The following DIAPH3 variants were observed in gnomAD, a reference collection of about 807,000 sequenced individuals.
DIAPH3 encodes diaphanous related formin 3, also known as protein diaphanous homolog 3.
Under a neutral mutation model 144.3 loss-of-function variants are expected in DIAPH3, and 117 were observed. That is an observed-to-expected ratio of 0.81 (90% confidence interval 0.70 to 0.95). The LOEUF (loss-of-function observed/expected upper bound fraction) is 0.95. DIAPH3 is among the 40% of genes least tolerant of loss of function. DIAPH3 has a pLI of 0.00. For synonymous variants in DIAPH3, 519 were observed against 488.9 expected, an observed-to-expected ratio of 1.06 and a Z score of -0.81; for missense variants, 1,421 against 1,412.7, an observed-to-expected ratio of 1.01 and a Z score of -0.09.
chr13:60,021,325 G>C (rs1483784965), intron 5 of DIAPH3, among the ~76,000 whole-genome samples: 1 of 152,110 alleles, frequency 6.6e-6, no homozygotes, highest in Non-Finnish European at 1.5e-5. Context: ...GAAAGAAAGA[G>C]AGTCAAAGCA....
rs139846722 is a variant in DIAPH3 at position 59,840,130 on chromosome 13, C to G, written c.2738-682G>C. Reference sequence around the variant, plus strand: ...GACATTAAGGATCATTTCTGAAAATCTTTTCATAGTCAATTTTATATGACA... The same window carrying G: ...GACATTAAGGATCATTTCTGAAAATGTTTTCATAGTCAATTTTATATGACA... On this transcript the variant is annotated intron_variant, in intron 22 of 27. Coordinates refer to ENST00000400324, the MANE Select transcript of DIAPH3 (RefSeq NM_001042517.2). Among the ~76,000 whole-genome samples the G allele has an allele frequency of 4.9e-3, 752 of 152,128 alleles. 3 individuals are homozygous for G. Among genetic ancestry groups the G allele is most frequent in the South Asian group, 0.032 (152 of 4,820 alleles).
At chr13:59,978,370 GA>G (rs907902479) in intron 14 of DIAPH3, among the ~76,000 whole-genome samples, 1 of 150,952 alleles carries the variant, frequency 6.6e-6, no homozygotes, top group Non-Finnish European at 1.5e-5. Flanking sequence ...TACACAGCAA[GA>G]AAAAAAATTA....
chr13:60,153,045 A>G (rs1258995505), intron 1 of DIAPH3, among the ~76,000 whole-genome samples: 1 of 152,116 alleles, frequency 6.6e-6, no homozygotes, highest in East Asian at 1.9e-4. Context: ...GACATTGTGA[A>G]TGACCCACTC....
intron 17 of DIAPH3, among the ~76,000 whole-genome samples, chr13:59,963,758 A>G (rs1237576959): frequency 6.6e-6 from 1 of 152,160 alleles, no homozygotes; most frequent in Non-Finnish European, 1.5e-5. Flanking sequence ...AGGTCTCAAT[A>G]CATTGCCCAG....
chr13:59,723,948 G>A (rs1368624128), intron 27 of DIAPH3, among the ~76,000 whole-genome samples: 14 of 118,734 alleles, frequency 1.2e-4, no homozygotes, highest in Admixed American at 8.2e-4. Context: ...TCACCTCAAT[G>A]TGTTAAAAGT....
intron 17 of DIAPH3, among the ~76,000 whole-genome samples, chr13:59,958,117 A>G (rs1451546730): frequency 6.6e-6 from 1 of 152,232 alleles, no homozygotes; most frequent in African/African-American, 2.4e-5. Flanking sequence ...CTTTTGATAA[A>G]TGTGATTTCC....
chr13:59,997,818 A>G (rs569950643), intron 9 of DIAPH3, among the ~76,000 whole-genome samples: 1 of 152,226 alleles, frequency 6.6e-6, no homozygotes, highest in South Asian at 2.1e-4. Flanking sequence ...CATCCTGGGT[A>G]TAAGTAGATG....
chr13:59,881,974 T>C (rs887009583), intron 20 of DIAPH3, among the ~76,000 whole-genome samples: 1 of 152,222 alleles, frequency 6.6e-6, no homozygotes. Flanking sequence ...AGTTCACTAT[T>C]TAGTCATATG....
At chr13:60,145,811 A>G (rs1487087853) in intron 1 of DIAPH3, among the ~76,000 whole-genome samples, 1 of 151,106 alleles carries the variant, frequency 6.6e-6, no homozygotes, top group Non-Finnish European at 1.5e-5. Context: ...TTTATTTCTC[A>G]TTTATAGATT....
chr13:59,788,709 T>G (rs1364796314), intron 25 of DIAPH3, among the ~76,000 whole-genome samples: 1 of 152,306 alleles, frequency 6.6e-6, no homozygotes, highest in African/African-American at 2.4e-5. Context: ...TTTAAATTAT[T>G]GATATGGACC....
At chr13:59,803,095 G>A (rs2040022245) in intron 25 of DIAPH3, among the ~76,000 whole-genome samples, 1 of 152,156 alleles carries the variant, frequency 6.6e-6, no homozygotes, top group Non-Finnish European at 1.5e-5. Flanking sequence ...AAGGAGTATT[G>A]AATGTTACAG....
rs138880289 is a variant in DIAPH3 at position 59,978,794 on chromosome 13, C to A, written c.1545+2001G>T. 7.7e-4 allele frequency among the ~76,000 whole-genome samples: 117 copies of A among 151,708 alleles called. 2 individuals are homozygous for A. In the East Asian group the frequency reaches 0.017, roughly 22 times the overall value. ...AGTTACTAGAGCGATATTACACTTA[C>A]AAAATTACATGCAAAAAAATGTTGA... On this transcript the variant is annotated intron_variant, in intron 14 of 27. Transcript: ENST00000400324.
At chr13:59,755,291 C>T (rs890377739) in intron 27 of DIAPH3, among the ~76,000 whole-genome samples, 3 of 152,128 alleles carry the variant, frequency 2.0e-5, no homozygotes, top group Admixed American at 6.5e-5. Flanking sequence ...GAATCACCCA[C>T]ATGGTGGAAA....
intron 27 of DIAPH3, among the ~76,000 whole-genome samples, chr13:59,716,160 C>A (rs930227460): frequency 2.1e-5 from 3 of 143,436 alleles, no homozygotes; most frequent in Non-Finnish European, 3.0e-5. Context: ...AATAATGCTG[C>A]GCTTGTATAT....
At chr13:59,799,949 G>A (rs1423792410) in intron 25 of DIAPH3, among the ~76,000 whole-genome samples, 1 of 151,990 alleles carries the variant, frequency 6.6e-6, no homozygotes, top group East Asian at 1.9e-4. Context: ...CTCCTTTCTT[G>A]TACTTTATTA....
chr13:59,922,473 A>C (rs546209646), intron 18 of DIAPH3, among the ~76,000 whole-genome samples: 16 of 152,172 alleles, frequency 1.1e-4, no homozygotes, highest in African/African-American at 3.6e-4. Flanking sequence ...ATTCTCTTCA[A>C]TGAACTTTAG....
chr13:59,801,435 A>C lies in DIAPH3; in HGVS notation c.3163+9353T>G, dbSNP rs138475876. ...AAGCTAGTAATAGAACCTCAGATTC[A>C]GCACTAATTTTACAAGAGTTCCTGC... On this transcript the variant is annotated intron_variant, in intron 25 of 27. Transcript: ENST00000400324. Among the ~76,000 whole-genome samples the C allele has an allele frequency of 4.3e-3, 655 of 152,368 alleles. 8 individuals are homozygous for C. The highest frequency in any genetic ancestry group is 0.015 in the African/African-American group (626 of 41,584).
chr13:59,873,677 C>CTTTTTTTTTT (rs57461813), intron 21 of DIAPH3, among the ~76,000 whole-genome samples: 3 of 128,914 alleles, frequency 2.3e-5, no homozygotes, highest in Non-Finnish European at 3.3e-5. Flanking sequence ...ACCACTTTTT[C>CTTTTTTTTTT]TTTTTTTTTT....
At chr13:60,006,572 C>T (rs1383525823) in intron 9 of DIAPH3, among the ~76,000 whole-genome samples, 3 of 151,940 alleles carry the variant, frequency 2.0e-5, no homozygotes, top group Non-Finnish European at 2.9e-5. Context: ...TTGTTCAAAG[C>T]ACCAGATGAC....
Sources: gnomAD v4.1 joint callset for allele counts (sites outside exome capture counted in the v4.1 genomes callset) on GRCh38, gnomAD v4.1.1 for gene constraint, MANE v1.5 for transcripts, NCBI Gene and HGNC (gene_info 2026-07-23, HGNC 2026-07-21) for gene names.